LTN1: variants seen among roughly 807,000 people sequenced by gnomAD.
LTN1 encodes the protein E3 ubiquitin-protein ligase listerin.
Under a neutral mutation model 201.2 loss-of-function variants are expected in LTN1, and 88 were observed. The observed-to-expected ratio is 0.44, with a 90% confidence interval of 0.37 to 0.52. LTN1 has a LOEUF of 0.52. Among genes scored for constraint, LTN1 ranks in the 20% least tolerant of loss-of-function variants. The probability of loss-of-function intolerance (pLI) is 0.00; values close to 1 mark genes in which losing one functional copy is unlikely to be tolerated. For synonymous variants in LTN1, 645 were observed against 713.5 expected (o/e 0.90, Z 1.53); for missense variants, 1,752 against 2,038.7 (o/e 0.86, Z 2.71).
At chr21:28,957,104 G>C (rs2084431807) in intron 15 of LTN1, among the ~76,000 whole-genome samples, 156 bp from the exon 16 acceptor site, 1 of 152,138 alleles carries the variant, frequency 6.6e-6, no homozygotes, top group South Asian at 2.1e-4. Context: ...ATTTCTTTAA[G>C]ACTCCTTAAG....
At chr21:28,953,948 A>C (rs1260114483) in intron 16 of LTN1, among the ~76,000 whole-genome samples, 1 of 152,184 alleles carries the variant, frequency 6.6e-6, no homozygotes, top group Non-Finnish European at 1.5e-5. Context: ...ATAGGTTTCT[A>C]ATACACAGTC....
chr21:28,962,147 T>C (rs985481229), intron 11 of LTN1, among the ~76,000 whole-genome samples: 5 of 152,244 alleles, frequency 3.3e-5, no homozygotes, highest in African/African-American at 1.2e-4. Context: ...ACCAATCTAT[T>C]CTGCAGAATC....
chr21:28,934,140 A>G (rs2084235153), intron 27 of LTN1, among the ~76,000 whole-genome samples: 1 of 151,238 alleles, frequency 6.6e-6, no homozygotes, highest in African/African-American at 2.4e-5. Flanking sequence ...CTACTTTCCA[A>G]TGCAAAAATA....
rs1351592746 is a variant in LTN1, at chr21:28,970,599, A to G, written c.1128T>C (p.Asn376=). Residue 376 remains asparagine (N), a synonymous_variant, in exon 8 of 30, where the codon AAT becomes AAC. Coordinates refer to ENST00000361371, the MANE Select transcript of LTN1 (RefSeq NM_015565.3). Reference sequence around the variant, plus strand: ...AATTTTTGAAGAAATCCAACTTTGGATTTGTGATGGACTGAGGGAGCTTGC... The same window carrying G: ...AATTTTTGAAGAAATCCAACTTTGGGTTTGTGATGGACTGAGGGAGCTTGC... The part of the protein sequence containing the change: ...FISKLPQSIT[N]PKLDFFKNFL... 2 of 1,613,794 alleles carry G rather than the reference A, an allele frequency of 1.2e-6. No individual in the cohort carries two copies. The highest frequency in any genetic ancestry group is 2.2e-5 in the South Asian group (2 of 90,896).
intron 1 of LTN1, among the ~76,000 whole-genome samples, chr21:28,988,466 CAA>C (rs34339110): frequency 5.7e-5 from 7 of 122,280 alleles, no homozygotes; most frequent in Admixed American, 1.7e-4. Flanking sequence ...GGCTCTGTCT[CAA>C]AAAAAAAAAA....
chr21:28,986,013 GC>G lies in LTN1; in HGVS notation c.345+125del. On this transcript the variant is annotated intron_variant, in intron 3 of 29. Transcript: ENST00000361371. The surrounding 1 kb of genome is among the most constrained non-coding windows in gnomAD (Gnocchi z 4.1). ...TTCTCAAGTGTTAACAATTCAATCT[GC>G]ATAACAATGCTGACATAACATTTAA... 1.6e-6 allele frequency: 1 copy of G among 623,628 alleles called. No individual in the cohort carries two copies. Among genetic ancestry groups the G allele is most frequent in the Non-Finnish European group, 2.9e-6 (1 of 347,338 alleles). The allele number at this position is 623,628 out of a possible 1,614,324, so 38.6% of individuals were successfully genotyped here.
rs2084185846 is a variant in LTN1, at chr21:28,928,424, T to A, written c.*2024A>T. 6.6e-6 allele frequency: 1 copy of A among 152,282 alleles called. No homozygotes were observed. Among genetic ancestry groups the A allele is most frequent in the Non-Finnish European group, 1.5e-5 (1 of 68,012 alleles). 9.4% of individuals were successfully genotyped at this position (152,282 alleles called of 1,614,324 possible). Reference sequence around the variant, plus strand: ...TGATAAAAGAGTCAAAAATAAATTTTAAAATTTGCAATTTACTTTGGGGTT... The same window carrying A: ...TGATAAAAGAGTCAAAAATAAATTTAAAAATTTGCAATTTACTTTGGGGTT... On this transcript the variant is annotated 3_prime_UTR_variant, in exon 30 of 30. Coordinates refer to ENST00000361371, the MANE Select transcript of LTN1 (RefSeq NM_015565.3).
intron 16 of LTN1, among the ~76,000 whole-genome samples, chr21:28,953,794 C>G (rs912339082): frequency 6.6e-6 from 1 of 152,098 alleles, no homozygotes; most frequent in Non-Finnish European, 1.5e-5. Flanking sequence ...GACATGAGGC[C>G]TCAATTACAG....
intron 4 of LTN1, among the ~76,000 whole-genome samples, chr21:28,983,085 TG>T (rs2084671343): frequency 2.0e-5 from 3 of 152,368 alleles, no homozygotes; most frequent in African/African-American, 7.2e-5. Context: ...ATAGACAGTA[TG>T]ATATACTATC....
chr21:28,954,710 T>C (rs1383996694), intron 16 of LTN1, among the ~76,000 whole-genome samples: 2 of 152,124 alleles, frequency 1.3e-5, no homozygotes, highest in Non-Finnish European at 2.9e-5. Flanking sequence ...TTCAAGAAAT[T>C]GTGCTAGGAA....
Position 28,930,193 on chromosome 21 carries a change from A to G in LTN1, c.*255T>C. 3.1e-6 allele frequency: 1 copy of G among 320,844 alleles called. No homozygotes were observed. The highest frequency in any genetic ancestry group is 8.7e-4 in the Middle Eastern group (1 of 1,156). 19.9% of individuals were successfully genotyped at this position (320,844 alleles called of 1,614,324 possible). A position where few individuals can be genotyped will look rare whatever the true frequency, so the allele number is the denominator to read the frequency against. The stretch of plus-strand genomic sequence containing the variant: ...TTATTTTTAAATATACAAAGAAATT[A>G]AACCATTAATAGAAATATTTTCTCT... On this transcript the variant is annotated 3_prime_UTR_variant, in exon 30 of 30. Coordinates refer to ENST00000361371, the MANE Select transcript of LTN1 (RefSeq NM_015565.3).
chr21:28,965,957 T>G, intron 10 of LTN1, 51 bp from the exon 11 acceptor site: 1 of 1,126,884 alleles, frequency 8.9e-7, no homozygotes, highest in Non-Finnish European at 1.2e-6. Context: ...ACTTTTTGTT[T>G]GAGATGGGGT....
chr21:28,959,907 C>A, intron 12 of LTN1: 1 of 407,774 alleles, frequency 2.5e-6, no homozygotes. Context: ...CAGAAATGGT[C>A]TACAGTTAGG....
chr21:28,936,807 T>C (rs1373798311), intron 25 of LTN1, 110 bp from the exon 26 acceptor site: 30 of 735,512 alleles, frequency 4.1e-5, no homozygotes, highest in Non-Finnish European at 6.2e-5. Flanking sequence ...TAGCAGACAT[T>C]CTATCCCCTC....
intron 18 of LTN1, among the ~76,000 whole-genome samples, chr21:28,950,213 C>A (rs1415711312): frequency 6.6e-6 from 1 of 152,038 alleles, no homozygotes; most frequent in African/African-American, 2.4e-5. Context: ...CTTTTGTGAT[C>A]TTTATTCAAG....
At position 28,959,714 on chromosome 21, in the gene LTN1, TCAAA is replaced by T; in HGVS notation, c.2354-21_2354-18del. The T allele has an allele frequency of 6.4e-7, 1 of 1,555,428 alleles. No homozygotes were observed. Among genetic ancestry groups the T allele is most frequent in the South Asian group, 1.2e-5 (1 of 83,454 alleles). On this transcript the variant is annotated intron_variant, in intron 12 of 29. Transcript: ENST00000361371. Reference sequence around the variant, plus strand: ...TCAAGTAATCTGGAGAAAAAAAGGTTCAAACAGACAAAAAATAAAAATATTAACG... The same window carrying T: ...TCAAGTAATCTGGAGAAAAAAAGGTTCAGACAAAAAATAAAAATATTAACG...
Position 28,945,813 on chromosome 21 carries a change from C to G in LTN1, c.3762G>C (p.Trp1254Cys). 6.2e-7 allele frequency: 1 copy of G among 1,612,570 alleles called. No individual in the cohort carries two copies. Residue 1254 changes from tryptophan (W) to cysteine (C), a missense_variant, in exon 21 of 30, where the codon TGG (tryptophan) becomes TGC (cysteine). Transcript: ENST00000361371. The stretch of plus-strand genomic sequence containing the variant: ...ACATATCGGGTTAATTTACCTCCAA[C>G]CAAGCCAACATGGAGCACATGATGA... ...WDFIMCSMLA[W>C]LETTSENQAL...
At chr21:28,967,784 G>A (rs1015567442) in intron 9 of LTN1, 2 of 152,412 alleles carry the variant, frequency 1.3e-5, no homozygotes, top group African/African-American at 2.4e-5. Context: ...TGGGGCTTGC[G>A]ATTGGCATCA....
chr21:28,965,203 G>C (rs997818122), intron 11 of LTN1, among the ~76,000 whole-genome samples: 1 of 152,076 alleles, frequency 6.6e-6, no homozygotes, highest in African/African-American at 2.4e-5. Flanking sequence ...AGTTAGCTAT[G>C]AAAACAGAAA....
Sources: allele counts gnomAD v4.1 joint callset (sites outside exome capture counted in the v4.1 genomes callset), GRCh38; gene constraint gnomAD v4.1.1; non-coding constraint Gnocchi (gnomAD v3.1); transcripts MANE v1.5; gene names NCBI Gene and HGNC (gene_info 2026-07-23, HGNC 2026-07-21).